Variants in PTN observed in about 807,000 individuals in gnomAD.
The protein encoded by PTN is pleiotrophin, also known as heparin affin regulatory protein.
A neutral mutation model predicts 24.1 loss-of-function variants in PTN; 18 were observed. The ratio of observed to expected loss-of-function variants is 0.75; its 90% CI spans 0.52 to 1.11. The LOEUF (loss-of-function observed/expected upper bound fraction) is 1.11. PTN is among the 50% of genes least tolerant of loss of function. The probability of loss-of-function intolerance (pLI) is 0.00; values close to 1 mark genes in which losing one functional copy is unlikely to be tolerated. For synonymous variants in PTN, 78 were observed against 68.6 expected (o/e 1.14, Z -0.67); for missense variants, 163 against 198.8 (o/e 0.82, Z 1.08).
chr7:137,307,008 A>AC (rs1302556490), intron 1 of PTN, among the ~76,000 whole-genome samples: 1 of 152,010 alleles, frequency 6.6e-6, no homozygotes, highest in Non-Finnish European at 1.5e-5. Flanking sequence ...TCTACTAGCA[A>AC]CCCTTTGAAA....
intron 1 of PTN, among the ~76,000 whole-genome samples, chr7:137,283,765 C>G (rs1328039547): frequency 6.6e-6 from 1 of 151,968 alleles, no homozygotes. Context: ...ATGCTAAAAT[C>G]AGGGACGGTG....
intron 1 of PTN, among the ~76,000 whole-genome samples, chr7:137,262,653 T>G (rs1436635702): frequency 6.6e-6 from 1 of 152,044 alleles, no homozygotes; most frequent in Non-Finnish European, 1.5e-5. Flanking sequence ...TTTTAAGGGC[T>G]AACAACCCTA....
At chr7:137,276,722 G>T (rs1051807045) in intron 1 of PTN, among the ~76,000 whole-genome samples, 2 of 151,998 alleles carry the variant, frequency 1.3e-5, no homozygotes, top group Non-Finnish European at 2.9e-5. Context: ...CATGGTATTG[G>T]TGAAGTCTTT....
At chr7:137,275,536 G>A (rs905810206) in intron 1 of PTN, among the ~76,000 whole-genome samples, 18 of 152,196 alleles carry the variant, frequency 1.2e-4, no homozygotes, top group South Asian at 8.3e-4. Context: ...ATCTTTGTGC[G>A]AGACATAAAA....
chr7:137,306,512 G>A (rs1270598423), intron 1 of PTN, among the ~76,000 whole-genome samples: 1 of 151,968 alleles, frequency 6.6e-6, no homozygotes, highest in East Asian at 1.9e-4. Flanking sequence ...CCCACCCCCT[G>A]GGAGCAGGGA....
intron 1 of PTN, among the ~76,000 whole-genome samples, chr7:137,327,696 T>G (rs797005526): frequency 3.3e-5 from 5 of 152,250 alleles, no homozygotes; most frequent in African/African-American, 1.2e-4. Flanking sequence ...CAGACCAGAA[T>G]GTCTTCCTTC....
intron 4 of PTN, among the ~76,000 whole-genome samples, chr7:137,248,744 C>T (rs1164302058): frequency 2.0e-5 from 3 of 152,124 alleles, no homozygotes; most frequent in African/African-American, 7.2e-5. Context: ...TTATAAGACT[C>T]TCCACTGCTG....
chr7:137,266,868 CTTTTTTTTTT>C (rs57274644), intron 1 of PTN, among the ~76,000 whole-genome samples: 1 of 98,742 alleles, frequency 1.0e-5, no homozygotes, highest in African/African-American at 3.1e-5. Flanking sequence ...TATAGATGGC[CTTTTTTTTTT>C]TTTTTTTTTT....
chr7:137,293,335 G>A (rs1292959726), intron 1 of PTN, among the ~76,000 whole-genome samples: 2 of 152,074 alleles, frequency 1.3e-5, no homozygotes, highest in African/African-American at 2.4e-5. Context: ...TAGTGTGCGC[G>A]CATAAGGGGT....
chr7:137,314,202 A>G (rs1810031017), intron 1 of PTN, among the ~76,000 whole-genome samples: 1 of 152,158 alleles, frequency 6.6e-6, no homozygotes, highest in African/African-American at 2.4e-5. Flanking sequence ...GCTCTATAGT[A>G]CCCTAAAAGA....
In PTN at chr7:137,255,202, C is replaced by T. The variant is rs143410800; in HGVS notation, c.-1-228G>A. ...TATTCACTGACAAAACGCAACAGTT[C>T]TTCACTTAAGACTTCACAACCATTT... On this transcript the variant is annotated intron_variant, in intron 1 of 4. Transcript: ENST00000348225. 9.2e-4 allele frequency among the ~76,000 whole-genome samples: 140 copies of T among 152,322 alleles called. 1 individual carries two copies. The highest frequency in any genetic ancestry group is 5.1e-3 in the Admixed American group (78 of 15,310).
At position 137,343,661 on chromosome 7, in the gene PTN, A is replaced by C. The variant is rs745362965; in HGVS notation, c.-224T>G. On this transcript the variant is annotated 5_prime_UTR_variant, in exon 1 of 5. Transcript: ENST00000348225. ...CTCTTGGCGGGATTTTTGGACTGGA[A>C]GGCGGGGAACCTGATCCTGCCTTTG... is the stretch of plus-strand genomic sequence containing the variant. 15 of 516,706 alleles carry C rather than the reference A, an allele frequency of 2.9e-5. No homozygotes were observed. Among genetic ancestry groups the C allele is most frequent in the South Asian group, 2.1e-4 (15 of 71,164 alleles). The allele number at this position is 516,706 out of a possible 1,614,324, so 32.0% of individuals were successfully genotyped here. A position where few individuals can be genotyped will look rare whatever the true frequency, so the allele number is the denominator to read the frequency against.
chr7:137,273,742 T>A (rs1256251466), intron 1 of PTN, among the ~76,000 whole-genome samples: 3 of 152,030 alleles, frequency 2.0e-5, no homozygotes, highest in Non-Finnish European at 4.4e-5. Context: ...GACAGAGTCA[T>A]TAAGTAGTCT....
intron 4 of PTN, among the ~76,000 whole-genome samples, chr7:137,245,474 T>C (rs1808707055): frequency 1.3e-5 from 2 of 152,250 alleles, no homozygotes; most frequent in Admixed American, 6.5e-5. Context: ...ACTGCTAGTC[T>C]TATAAAAGTG....
At chr7:137,327,164 A>G (rs1467772608) in intron 1 of PTN, among the ~76,000 whole-genome samples, 1 of 152,190 alleles carries the variant, frequency 6.6e-6, no homozygotes, top group East Asian at 1.9e-4. Context: ...TACGTTTTCA[A>G]ACCTAACTGA....
At chr7:137,256,662 T>C (rs2128871793) in intron 1 of PTN, among the ~76,000 whole-genome samples, 1 of 152,284 alleles carries the variant, frequency 6.6e-6, no homozygotes, top group East Asian at 1.9e-4. Context: ...TAATTCATAT[T>C]CCTTTGGGTA....
chr7:137,291,963 C>T (rs989950784), intron 1 of PTN, among the ~76,000 whole-genome samples: 1 of 152,158 alleles, frequency 6.6e-6, no homozygotes, highest in Non-Finnish European at 1.5e-5. Context: ...CCTTTGGCAT[C>T]CTCCTCTAAT....
intron 1 of PTN, among the ~76,000 whole-genome samples, chr7:137,335,385 G>A (rs1301053131): frequency 6.6e-6 from 1 of 152,074 alleles, no homozygotes; most frequent in Non-Finnish European, 1.5e-5. Context: ...GAAGTCAATA[G>A]CAAATCAGGT....
In PTN at chr7:137,295,552, A is replaced by G. The variant is rs181112534; in HGVS notation, c.-1-40578T>C. Among the ~76,000 whole-genome samples, 21 of 152,246 alleles carry G rather than the reference A, an allele frequency of 1.4e-4. No individual in the cohort carries two copies. In the East Asian group the frequency reaches 4.1e-3, roughly 30 times the overall value. ...GAGACATGGTGTAAGTGTAAAATAC[A>G]CACTGAATTTCAAAAGCAGTATGAA... On this transcript the variant is annotated intron_variant, in intron 1 of 4. Coordinates refer to ENST00000348225, the MANE Select transcript of PTN (RefSeq NM_002825.7).
Sources: allele counts gnomAD v4.1 joint callset (sites outside exome capture counted in the v4.1 genomes callset), GRCh38; gene constraint gnomAD v4.1.1; transcripts MANE v1.5; gene names NCBI Gene and HGNC (gene_info 2026-07-23, HGNC 2026-07-21).